Variants in FABP4 observed in about 807,000 individuals in gnomAD.
FABP4 encodes the protein fatty acid binding protein 4.
FABP4 carries 17 observed loss-of-function variants against 14.6 expected under a neutral mutation model. That is an observed-to-expected ratio of 1.16 (90% CI 0.80 to 1.74). The LOEUF is 1.74. FABP4 is among the 40% of genes most tolerant of loss of function. The pLI is 0.00. For missense variants in FABP4, 149 were observed against 160.3 expected, an observed-to-expected ratio of 0.93 and a Z score of 0.38; for synonymous variants, 54 against 54.6, an observed-to-expected ratio of 0.99 and a Z score of 0.05.
rs913095951 is a variant in FABP4 at position 81,479,470 on chromosome 8, A to G, written c.292T>C (p.Trp98Arg). The change falls in exon 3 of 4, where the codon TGG becomes CGG. Residue 98 changes from tryptophan to arginine, a missense_variant. Transcript: ENST00000256104. ...TTTATGGTGGTTGATTTTCCATCCC[A>G]TTTCTGCACATGTACCAGGACACCC... The part of the protein sequence containing the change: ...DGGVLVHVQK[W>R]DGKSTTIKRK... The G allele has an allele frequency of 2.5e-6, 4 of 1,613,228 alleles. No individual in the cohort carries two copies. Among genetic ancestry groups the G allele is most frequent in the East Asian group, 2.2e-5 (1 of 44,870 alleles).
intron 2 of FABP4, 102 bp downstream of exon 2, chr8:81,480,324 T>A: frequency 8.5e-7 from 1 of 1,170,490 alleles, no homozygotes; most frequent in Non-Finnish European, 1.2e-6. Context: ...ATCTTTGGCT[T>A]ATGATAAAAT....
chr8:81,480,393 G>T, intron 2 of FABP4, 33 bp downstream of exon 2: 1 of 1,600,506 alleles, frequency 6.2e-7, no homozygotes, highest in East Asian at 2.2e-5. Context: ...TAGAAACCAG[G>T]CATGTACTCT....
Position 81,478,706 on chromosome 8 carries a change from G to C in FABP4, c.*159C>G. 1.7e-6 allele frequency: 1 copy of C among 571,562 alleles called. No individual in the cohort carries two copies. The highest frequency in any genetic ancestry group is 2.9e-5 in the East Asian group (1 of 34,596). The allele number at this position is 571,562 out of a possible 1,614,324, so 35.4% of individuals were successfully genotyped here. A position where few individuals can be genotyped will look rare whatever the true frequency, so the allele number is the denominator to read the frequency against. On this transcript the variant is annotated 3_prime_UTR_variant, in exon 4 of 4. Transcript: ENST00000256104. ...ACATCACCTTCTAAATCTAAAAAAA[G>C]TTTATTTAACCAACGTAACCATATT...
In FABP4 at chr8:81,478,439, C is replaced by T. The variant is rs1033183493; in HGVS notation, c.*426G>A. 3 of 156,608 alleles carry T rather than the reference C, an allele frequency of 1.9e-5. No individual in the cohort carries two copies. The highest frequency in any genetic ancestry group is 4.8e-5 in the African/African-American group (2 of 41,460). The allele number at this position is 156,608 out of a possible 1,614,324, so 9.7% of individuals were successfully genotyped here. On this transcript the variant is annotated 3_prime_UTR_variant, in exon 4 of 4. Transcript: ENST00000256104. ...GTGGACAATTTCACTACATTTAAAA[C>T]TACCTTAGGTTTCTGAGATACACCT...
At position 81,483,181 on chromosome 8, in the gene FABP4, T is replaced by C; in HGVS notation, c.-14A>G. The stretch of plus-strand genomic sequence containing the variant: ...AGCATCACACATTTTGTGAGTTTTC[T>C]AGGATTATTCTTCAAGGTGAGAAGG... On this transcript the variant is annotated 5_prime_UTR_variant, in exon 1 of 4. Coordinates refer to ENST00000256104, the MANE Select transcript of FABP4 (RefSeq NM_001442.3). The C allele has an allele frequency of 6.2e-7, 1 of 1,605,234 alleles. No individual in the cohort carries two copies. The highest frequency in any genetic ancestry group is 8.5e-7 in the Non-Finnish European group (1 of 1,175,834).
intron 2 of FABP4, 193 bp from the exon 3 acceptor site, chr8:81,479,708 G>A (rs1585811227): frequency 2.5e-6 from 1 of 393,298 alleles, no homozygotes; most frequent in Non-Finnish European, 4.5e-6. Context: ...TGTCCAGAGT[G>A]TTATACAAAT....
intron 3 of FABP4, 47 bp downstream of exon 3, chr8:81,479,367 A>G (rs1049206118): frequency 2.1e-6 from 3 of 1,414,810 alleles, no homozygotes; most frequent in African/African-American, 1.4e-5. Context: ...TGATCATGAG[A>G]TAACCTAGCA....
At position 81,478,802 on chromosome 8, in the gene FABP4, A is replaced by C. The variant is rs878984077; in HGVS notation, c.*63T>G. 11 of 1,399,774 alleles carry C rather than the reference A, an allele frequency of 7.9e-6. No individual in the cohort carries two copies. The South Asian group carries it at 1.3e-4, about 16-fold the overall frequency. 86.7% of individuals were successfully genotyped at this position (1,399,774 alleles called of 1,614,324 possible). A position where few individuals can be genotyped will look rare whatever the true frequency, so the allele number is the denominator to read the frequency against. On this transcript the variant is annotated 3_prime_UTR_variant, in exon 4 of 4. Transcript: ENST00000256104. ...GAAAACAACAATATCTTTTTGAACA[A>C]TATATCCCACAGAATGTTGTAGAGT...
rs911774416 is a variant in FABP4 at position 81,478,510 on chromosome 8, G to A, written c.*355C>T. 3.3e-5 allele frequency: 6 copies of A among 180,510 alleles called. No homozygotes were observed. Among genetic ancestry groups the A allele is most frequent in the Non-Finnish European group, 7.0e-5 (6 of 85,868 alleles). 11.2% of individuals were successfully genotyped at this position (180,510 alleles called of 1,614,324 possible). A position where few individuals can be genotyped will look rare whatever the true frequency, so the allele number is the denominator to read the frequency against. On this transcript the variant is annotated 3_prime_UTR_variant, in exon 4 of 4. Coordinates refer to ENST00000256104, the MANE Select transcript of FABP4 (RefSeq NM_001442.3). The stretch of plus-strand genomic sequence containing the variant: ...AAGAAGGATTTAATATTCAGTAATG[G>A]TACATACTTGTTATCTCCTACCTAG...
chr8:81,482,166 A>G (rs922484605), intron 1 of FABP4, among the ~76,000 whole-genome samples: 22 of 152,096 alleles, frequency 1.4e-4, no homozygotes, highest in Non-Finnish European at 2.9e-4. Flanking sequence ...CAAGCAAAAA[A>G]ATATATACTG....
At position 81,483,227 on chromosome 8, in the gene FABP4, G is replaced by T; in HGVS notation, c.-60C>A. 2 of 1,357,510 alleles carry T rather than the reference G, an allele frequency of 1.5e-6. No individual in the cohort carries two copies. Among genetic ancestry groups the T allele is most frequent in the South Asian group, 1.3e-5 (1 of 78,086 alleles). The allele number at this position is 1,357,510 out of a possible 1,614,324, so 84.1% of individuals were successfully genotyped here. ...GAAGGAAGCTGCAGTTTTCAGGAGG[G>T]TGCTGTGACCCTCTTGAGTCCAGAT... On this transcript the variant is annotated 5_prime_UTR_variant, in exon 1 of 4. Transcript: ENST00000256104.
At chr8:81,479,577 G>A (rs948389937) in intron 2 of FABP4, 62 bp from the exon 3 acceptor site, 2 of 1,170,998 alleles carry the variant, frequency 1.7e-6, no homozygotes, top group Admixed American at 1.8e-5. Flanking sequence ...ATTTAAAATA[G>A]AGTGCCTTTG....
At chr8:81,479,307 T>C in intron 3 of FABP4, 107 bp downstream of exon 3, 1 of 908,822 alleles carries the variant, frequency 1.1e-6, no homozygotes, top group Admixed American at 2.3e-5. Flanking sequence ...TAAAATCCTC[T>C]TTTTGTTTCA....
rs569393117 is a variant in FABP4 at position 81,479,616 on chromosome 8, A to G, written c.247-101T>C. 1.2e-5 allele frequency: 9 copies of G among 744,514 alleles called. No homozygotes were observed. The South Asian group carries it at 1.5e-4, about 13-fold the overall frequency. 46.1% of individuals were successfully genotyped at this position (744,514 alleles called of 1,614,324 possible). A position where few individuals can be genotyped will look rare whatever the true frequency, so the allele number is the denominator to read the frequency against. On this transcript the variant is annotated intron_variant, in intron 2 of 3. Transcript: ENST00000256104. ...AAAGGAATATTTTGAGGTCATTAGT[A>G]ATTCTAAATGACAAGAATATATTGC...
At chr8:81,481,376 G>A (rs1211066751) in intron 1 of FABP4, among the ~76,000 whole-genome samples, 3 of 152,136 alleles carry the variant, frequency 2.0e-5, no homozygotes, top group Non-Finnish European at 4.4e-5. Context: ...TAGGTTAGAA[G>A]CCAATACTTT....
chr8:81,480,629 T>A (rs751572335), intron 1 of FABP4, 31 bp from the exon 2 acceptor site: 14 of 1,585,880 alleles, frequency 8.8e-6, no homozygotes, highest in Non-Finnish European at 1.1e-5. Context: ...GATGTCAGAT[T>A]TACATTTTCT....
At chr8:81,480,734 A>T in intron 1 of FABP4, 136 bp from the exon 2 acceptor site, 1 of 622,282 alleles carries the variant, frequency 1.6e-6, no homozygotes, top group Non-Finnish European at 2.5e-6. Flanking sequence ...GGCCTAATTT[A>T]AACAGCTCCT....
chr8:81,479,668 A>G, intron 2 of FABP4, 153 bp from the exon 3 acceptor site: 1 of 554,778 alleles, frequency 1.8e-6, no homozygotes, highest in Non-Finnish European at 3.2e-6. Context: ...AGTCTCAAAA[A>G]CAACAACATA....
intron 1 of FABP4, among the ~76,000 whole-genome samples, chr8:81,481,639 G>T (rs999446871): frequency 1.3e-5 from 2 of 152,158 alleles, no homozygotes; most frequent in African/African-American, 4.8e-5. Flanking sequence ...GATATATGGC[G>T]CAAAATAAGT....
Sources: allele counts gnomAD v4.1 joint callset (sites outside exome capture counted in the v4.1 genomes callset), GRCh38; gene constraint gnomAD v4.1.1; transcripts MANE v1.5; gene names NCBI Gene and HGNC (gene_info 2026-07-23, HGNC 2026-07-21).